Variants in RALYL observed in about 807,000 individuals in gnomAD.
The protein encoded by RALYL is RALY RNA binding protein like.
Under a neutral mutation model 35.1 loss-of-function variants are expected in RALYL, and 29 were observed. That is an observed-to-expected ratio of 0.83 (90% CI 0.61 to 1.13). RALYL has a LOEUF of 1.13. RALYL is among the 50% of genes most tolerant of loss of function. RALYL has a pLI of 0.00. For synonymous variants in RALYL, 120 were observed against 127.6 expected, an observed-to-expected ratio of 0.94 and a Z score of 0.40; for missense variants, 359 against 360.4, an observed-to-expected ratio of 1.00 and a Z score of 0.03.
chr8:84,648,885 A>G (rs1203757244), intron 2 of RALYL, among the ~76,000 whole-genome samples: 17 of 151,692 alleles, frequency 1.1e-4, no homozygotes, highest in Non-Finnish European at 2.9e-5. Context: ...CCATCTACCT[A>G]TCTGAGAAGA....
At chr8:84,571,760 T>C (rs1254145899) in intron 2 of RALYL, among the ~76,000 whole-genome samples, 2 of 151,838 alleles carry the variant, frequency 1.3e-5, no homozygotes, top group African/African-American at 4.8e-5. Context: ...AAACCAACTT[T>C]TCTCTTAGTA....
chr8:84,359,133 T>G (rs1283720338), intron 1 of RALYL, among the ~76,000 whole-genome samples: 1 of 152,014 alleles, frequency 6.6e-6, no homozygotes, highest in Non-Finnish European at 1.5e-5. Flanking sequence ...AAAATATTAT[T>G]TCTCCCCATT....
intron 1 of RALYL, among the ~76,000 whole-genome samples, chr8:84,337,792 G>A (rs930769969): frequency 1.3e-5 from 2 of 151,982 alleles, no homozygotes; most frequent in African/African-American, 4.8e-5. Flanking sequence ...CCTTGTAAAA[G>A]CTGGTAAAAG....
chr8:84,635,769 G>A (rs913268059), intron 2 of RALYL, among the ~76,000 whole-genome samples: 2 of 151,782 alleles, frequency 1.3e-5, no homozygotes, highest in East Asian at 1.9e-4. Flanking sequence ...AGCATGGTGC[G>A]CAGAATGGAA....
chr8:84,325,448 C>T (rs1845630441), intron 1 of RALYL, among the ~76,000 whole-genome samples: 1 of 152,202 alleles, frequency 6.6e-6, no homozygotes, highest in African/African-American at 2.4e-5. Context: ...TGGATTTTGA[C>T]ATTTCTTCAT....
upstream of RALYL, chr8:84,183,145 G>C (rs938898923): frequency 2.7e-4 from 43 of 159,874 alleles, no homozygotes; most frequent in African/African-American, 1.0e-3. Context: ...CAGCGGCAGA[G>C]GCGGCGGCAG....
chr8:84,258,098 C>G (rs1831524822), intron 1 of RALYL, among the ~76,000 whole-genome samples: 1 of 152,176 alleles, frequency 6.6e-6, no homozygotes, highest in Non-Finnish European at 1.5e-5. Context: ...GTGTCTGAAG[C>G]CTGGGGGCCG....
chr8:84,364,413 A>G (rs180671110), intron 1 of RALYL, among the ~76,000 whole-genome samples: 24 of 152,312 alleles, frequency 1.6e-4, no homozygotes, highest in Non-Finnish European at 7.4e-5. Context: ...TAATATTTCA[A>G]TGAAGTAGCA....
intron 2 of RALYL, among the ~76,000 whole-genome samples, chr8:84,755,997 G>T (rs1425963690): frequency 6.6e-6 from 1 of 151,938 alleles, no homozygotes; most frequent in South Asian, 2.1e-4. Flanking sequence ...TTCCAAAAAG[G>T]TTTACAGAAA....
chr8:84,265,626 G>A (rs1279309757), intron 1 of RALYL, among the ~76,000 whole-genome samples: 2 of 147,856 alleles, frequency 1.4e-5, no homozygotes, highest in East Asian at 1.9e-4. Context: ...TTAGCCTGAT[G>A]AAACCAATGT....
chr8:84,314,108 GGAGA>G (rs1204181361), intron 1 of RALYL, among the ~76,000 whole-genome samples: 2 of 152,110 alleles, frequency 1.3e-5, no homozygotes, highest in Non-Finnish European at 2.9e-5. Flanking sequence ...CAAGGCAGCA[GGAGA>G]GAGAGCGCAA....
chr8:84,553,352 G>T (rs2135465375), intron 2 of RALYL, among the ~76,000 whole-genome samples: 1 of 152,234 alleles, frequency 6.6e-6, no homozygotes, highest in Non-Finnish European at 1.5e-5. Flanking sequence ...GGTAGAGACT[G>T]GGATCTCACG....
At chr8:84,620,759 C>G (rs1266067945) in intron 2 of RALYL, among the ~76,000 whole-genome samples, 1 of 151,550 alleles carries the variant, frequency 6.6e-6, no homozygotes, top group Non-Finnish European at 1.5e-5. Flanking sequence ...TGGTGATGTA[C>G]AGATGGGTTT....
intron 4 of RALYL, among the ~76,000 whole-genome samples, chr8:84,824,198 C>T (rs1440421027): frequency 6.6e-6 from 1 of 151,608 alleles, no homozygotes; most frequent in East Asian, 1.9e-4. Flanking sequence ...AGTAGCATTT[C>T]TATATACCAA....
chr8:84,184,937 T>C lies in RALYL; in HGVS notation c.-24+513T>C, dbSNP rs1208603313. 4 of 1,609,192 alleles carry C rather than the reference T, an allele frequency of 2.5e-6. No homozygotes were observed. The East Asian group carries it at 8.9e-5, about 36-fold the overall frequency. Reference sequence around the variant, plus strand: ...CCACGCGAGCCGGAGCTGGAGACATTTCCAGAGCCTTGAGGATGGCACCGG... The same window carrying C: ...CCACGCGAGCCGGAGCTGGAGACATCTCCAGAGCCTTGAGGATGGCACCGG... On this transcript the variant is annotated intron_variant, in intron 1 of 8. Coordinates refer to ENST00000521268, the MANE Select transcript of RALYL (RefSeq NM_173848.7).
chr8:84,344,272 A>C (rs956007819), intron 1 of RALYL, among the ~76,000 whole-genome samples: 4 of 152,068 alleles, frequency 2.6e-5, no homozygotes, highest in Non-Finnish European at 5.9e-5. Flanking sequence ...TGTTATGCAA[A>C]AAAATAGAAA....
chr8:84,393,309 G>A (rs1352713346), intron 1 of RALYL, among the ~76,000 whole-genome samples: 1 of 151,990 alleles, frequency 6.6e-6, no homozygotes, highest in South Asian at 2.1e-4. Context: ...TTGGACTGAG[G>A]GCCTCAGTTT....
At chr8:84,506,253 T>C (rs562588560) in intron 1 of RALYL, among the ~76,000 whole-genome samples, 1 of 152,104 alleles carries the variant, frequency 6.6e-6, no homozygotes, top group Non-Finnish European at 1.5e-5. Flanking sequence ...AATTATATTT[T>C]ACAAATAGGG....
intron 1 of RALYL, chr8:84,185,083 C>CT (rs1000091709): frequency 5.0e-5 from 77 of 1,532,404 alleles, no homozygotes; most frequent in African/African-American, 1.8e-4. Context: ...GTCTTTGGAT[C>CT]TTTTTTTTCC....
Sources: gnomAD v4.1 joint callset for allele counts (sites outside exome capture counted in the v4.1 genomes callset) on GRCh38, gnomAD v4.1.1 for gene constraint, MANE v1.5 for transcripts, NCBI Gene and HGNC (gene_info 2026-07-23, HGNC 2026-07-21) for gene names.